Variants in IQCB1 observed in about 807,000 individuals in gnomAD.
IQCB1 encodes IQ calmodulin-binding motif-containing protein 1.
Under a neutral mutation model 84.4 loss-of-function variants are expected in IQCB1, and 56 were observed. That is an observed-to-expected ratio of 0.66 (90% CI 0.54 to 0.83). IQCB1 has a LOEUF of 0.83. IQCB1 is among the 40% of genes least tolerant of loss of function. The pLI, the probability that IQCB1 is intolerant of heterozygous loss-of-function variation, is 0.00. For missense variants in IQCB1, 629 were observed against 682.1 expected (o/e 0.92, Z 0.87); for synonymous variants, 210 against 234.8 (o/e 0.89, Z 0.96).
intron 12 of IQCB1, among the ~76,000 whole-genome samples, chr3:121,786,722 C>T (rs1346079284): frequency 6.6e-6 from 1 of 152,136 alleles, no homozygotes; most frequent in Admixed American, 6.5e-5. Context: ...AAAGCCAAAA[C>T]AACTTTGCCT....
At chr3:121,782,297 G>A (rs1169437089) in intron 12 of IQCB1, among the ~76,000 whole-genome samples, 2 of 152,192 alleles carry the variant, frequency 1.3e-5, no homozygotes, top group Non-Finnish European at 2.9e-5. Flanking sequence ...TCCTTCTCAT[G>A]TCCTTCAGAA....
chr3:121,807,587 T>G (rs1048040426), intron 6 of IQCB1, 144 bp from the exon 7 acceptor site: 1 of 565,196 alleles, frequency 1.8e-6, no homozygotes, highest in African/African-American at 1.9e-5. Flanking sequence ...AAGAAGACTT[T>G]AAGATGTAAA....
At chr3:121,781,665 T>A (rs1346489353) in intron 13 of IQCB1, 78 bp downstream of exon 13, 11 of 1,088,706 alleles carry the variant, frequency 1.0e-5, no homozygotes, top group Non-Finnish European at 1.5e-5. Context: ...ACACACACAA[T>A]ATATGTGTGT....
chr3:121,830,711 G>A (rs1950608246), intron 2 of IQCB1, among the ~76,000 whole-genome samples: 1 of 152,154 alleles, frequency 6.6e-6, no homozygotes, highest in South Asian at 2.1e-4. Context: ...TCAGAAAACA[G>A]AATCTATTTC....
In IQCB1 at chr3:121,786,167, T is replaced by TAAGAAAAGAAAAGAAAGAAAAGAAA. The variant is rs1559760554; in HGVS notation, c.1278+2116_1278+2117insTTTCTTTTCTTTCTTTTCTTTTCTT. On this transcript the variant is annotated intron_variant, in intron 12 of 14. Coordinates refer to ENST00000310864, the MANE Select transcript of IQCB1 (RefSeq NM_001023570.4). Reference sequence around the variant, plus strand: ...GCCTGGGAGACAGAGAGAGATTCTGTCTCAAAAGAAAAGAAAAGAAAAGAA... The same window carrying TAAGAAAAGAAAAGAAAGAAAAGAAA: ...GCCTGGGAGACAGAGAGAGATTCTGTAAGAAAAGAAAAGAAAGAAAAGAAACTCAAAAGAAAAGAAAAGAAAAGAA... Among the ~76,000 whole-genome samples the TAAGAAAAGAAAAGAAAGAAAAGAAA allele has an allele frequency of 3.9e-4, 10 of 25,624 alleles. 1 individual carries two copies. In the South Asian group the frequency reaches 6.3e-3, roughly 16 times the overall value. 16.8% of individuals were successfully genotyped at this position (25,624 alleles called of 152,430 possible). A position where few individuals can be genotyped will look rare whatever the true frequency, so the allele number is the denominator to read the frequency against.
intron 10 of IQCB1, among the ~76,000 whole-genome samples, chr3:121,791,664 T>C (rs1226287485): frequency 1.3e-5 from 2 of 152,208 alleles, no homozygotes; most frequent in Non-Finnish European, 2.9e-5. Flanking sequence ...TTGCCTGTTC[T>C]ACAGAACTCC....
Position 121,808,994 on chromosome 3 carries a change from C to G in IQCB1, c.409G>C (p.Glu137Gln). ...INAAKAEEKD[E>Q]LLHFFQIVTD... ...ACAATTTGGAAAAAGTGTAGTAATT[C>G]ATCTTTTTCTTCAGCCTTAACATAA... The change falls in exon 6 of 15, where the codon GAA becomes CAA. Residue 137 changes from glutamate to glutamine, a missense_variant. Physicochemically the swap from Glu to Gln is conservative, Grantham distance 29. Coordinates refer to ENST00000310864, the MANE Select transcript of IQCB1 (RefSeq NM_001023570.4). The G allele has an allele frequency of 6.2e-7, 1 of 1,601,762 alleles. No individual in the cohort carries two copies.
At chr3:121,830,668 T>G (rs1256339625) in intron 2 of IQCB1, among the ~76,000 whole-genome samples, 1 of 152,204 alleles carries the variant, frequency 6.6e-6, no homozygotes, top group Non-Finnish European at 1.5e-5. Flanking sequence ...ATAGCCTTTG[T>G]TACAGTCTTG....
chr3:121,781,660 CACA>C, intron 13 of IQCB1, 80 bp downstream of exon 13: 1 of 1,090,080 alleles, frequency 9.2e-7, no homozygotes, highest in Non-Finnish European at 1.3e-6. Context: ...CACACACACA[CACA>C]ATATATGTGT....
chr3:121,834,705 G>A (rs1405509863), intron 1 of IQCB1, among the ~76,000 whole-genome samples: 1 of 152,178 alleles, frequency 6.6e-6, no homozygotes, highest in African/African-American at 2.4e-5. Context: ...GGGCCTCTGG[G>A]CTCCTTTACT....
In IQCB1 at chr3:121,788,291, T is replaced by C. The variant is rs545361604; in HGVS notation, c.1271A>G (p.Gln424Arg). 1.0e-4 allele frequency: 161 copies of C among 1,613,976 alleles called. 2 individuals carry two copies. Among genetic ancestry groups the C allele is most frequent in the South Asian group, 9.9e-4 (90 of 91,084 alleles). The change falls in exon 12 of 15, where the codon CAA becomes CGA. Residue 424 changes from glutamine to arginine, a missense_variant. Gln to Arg is a conservative substitution (Grantham distance 43, BLOSUM62 1). Coordinates refer to ENST00000310864, the MANE Select transcript of IQCB1 (RefSeq NM_001023570.4). ...LIEYKAAVTL[Q>R]RAALKFLAKC... Reference sequence around the variant, plus strand: ...TCACTACATTAGACTCACTGCTCTTTGAAGTGTGACAGCTGCTTTATACTC... The same window carrying C: ...TCACTACATTAGACTCACTGCTCTTCGAAGTGTGACAGCTGCTTTATACTC...
intron 11 of IQCB1, among the ~76,000 whole-genome samples, chr3:121,788,862 T>C (rs910317716): frequency 2.6e-5 from 4 of 152,356 alleles, no homozygotes; most frequent in Middle Eastern, 3.4e-3. Context: ...TTTTGCTTTC[T>C]TGGAGTTGCT....
chr3:121,824,434 A>G (rs924265372), intron 5 of IQCB1, among the ~76,000 whole-genome samples: 1 of 152,172 alleles, frequency 6.6e-6, no homozygotes, highest in Admixed American at 6.5e-5. Flanking sequence ...TTGAACCACT[A>G]TTGGCCATGG....
intron 8 of IQCB1, among the ~76,000 whole-genome samples, chr3:121,798,623 T>C (rs933641196): frequency 5.3e-5 from 8 of 151,982 alleles, no homozygotes; most frequent in South Asian, 2.1e-4. Flanking sequence ...ATAAAGTATA[T>C]GGAATGTGCC....
intron 5 of IQCB1, 47 bp from the exon 6 acceptor site, chr3:121,809,056 C>CTTT (rs35072741): frequency 3.8e-4 from 336 of 892,454 alleles, no homozygotes; most frequent in South Asian, 5.4e-4. Flanking sequence ...AGTTTTTTTC[C>CTTT]TTTTTTTTTT....
intron 7 of IQCB1, among the ~76,000 whole-genome samples, chr3:121,806,827 T>C (rs1949614684): frequency 6.6e-6 from 1 of 152,064 alleles, no homozygotes; most frequent in African/African-American, 2.4e-5. Flanking sequence ...AGCTGCATAA[T>C]AAATTCATAC....
intron 13 of IQCB1, 37 bp from the exon 14 acceptor site, chr3:121,772,750 G>A (rs765842897): frequency 2.7e-5 from 43 of 1,609,790 alleles, no homozygotes; most frequent in Non-Finnish European, 3.4e-5. Context: ...TCACAGAGAG[G>A]ACATAGGTAT....
intron 12 of IQCB1, among the ~76,000 whole-genome samples, chr3:121,784,344 C>A (rs1948625597): frequency 6.6e-6 from 1 of 152,150 alleles, no homozygotes; most frequent in East Asian, 1.9e-4. Flanking sequence ...CTGGCAAAAT[C>A]TTTTTTCCTT....
At chr3:121,804,845 T>TG (rs747101052) in intron 7 of IQCB1, among the ~76,000 whole-genome samples, 20 of 152,178 alleles carry the variant, frequency 1.3e-4, no homozygotes, top group Non-Finnish European at 2.8e-4. Flanking sequence ...TGATTACACT[T>TG]ATGTAAGGTT....
Sources: allele counts gnomAD v4.1 joint callset (sites outside exome capture counted in the v4.1 genomes callset), GRCh38; gene constraint gnomAD v4.1.1; transcripts MANE v1.5; gene names NCBI Gene and HGNC (gene_info 2026-07-23, HGNC 2026-07-21).